The following KIAA0825 variants were observed in gnomAD, a reference collection of about 807,000 sequenced individuals.
KIAA0825 encodes the protein uncharacterized protein KIAA0825.
In KIAA0825, 119 loss-of-function variants were observed where a neutral mutation model predicts 147.6. The observed-to-expected ratio is 0.81, with a 90% CI of 0.69 to 0.94. The LOEUF (loss-of-function observed/expected upper bound fraction) is 0.94, where lower values mean the gene tolerates loss of function less well. Ranked by LOEUF, KIAA0825 falls within the 40% of genes least tolerant of loss-of-function variation. The pLI is 0.00. For synonymous variants in KIAA0825, 470 were observed against 518.1 expected, an observed-to-expected ratio of 0.91 and a Z score of 1.26; for missense variants, 1,381 against 1,472.7, an observed-to-expected ratio of 0.94 and a Z score of 1.02.
At chr5:94,169,265 T>C (rs1049419343) in intron 20 of KIAA0825, among the ~76,000 whole-genome samples, 4 of 152,206 alleles carry the variant, frequency 2.6e-5, no homozygotes, top group Non-Finnish European at 4.4e-5. Context: ...CATATTTTGA[T>C]TGAAATTGAC....
chr5:94,415,594 T>C (rs1753351207), intron 15 of KIAA0825: 2 of 152,130 alleles, frequency 1.3e-5, no homozygotes, highest in Admixed American at 6.5e-5. Context: ...TTCCAGAGAA[T>C]ATTTAATGTT....
intron 20 of KIAA0825, among the ~76,000 whole-genome samples, chr5:94,371,299 T>C (rs1472830635): frequency 6.6e-6 from 1 of 152,150 alleles, no homozygotes; most frequent in African/African-American, 2.4e-5. Flanking sequence ...GTCCTACAGG[T>C]ATCCTAACTA....
chr5:94,546,420 C>T (rs77596499), intron 2 of KIAA0825, among the ~76,000 whole-genome samples: 3,171 of 152,092 alleles, frequency 0.021, 50 homozygotes, highest in Non-Finnish European at 0.029. Flanking sequence ...CAAGACCCAG[C>T]GCTGTGCTGG....
chr5:94,580,806 G>T (rs1781979457), intron 2 of KIAA0825, among the ~76,000 whole-genome samples: 2 of 64,274 alleles, frequency 3.1e-5, no homozygotes. Flanking sequence ...AACCCGGGAG[G>T]CGGAGCTTGC....
At chr5:94,602,840 T>A (rs370927992) in intron 1 of KIAA0825, among the ~76,000 whole-genome samples, 12 of 151,932 alleles carry the variant, frequency 7.9e-5, no homozygotes, top group African/African-American at 2.9e-4. Context: ...CCTTTTTTTT[T>A]TTTTTTGAGA....
chr5:94,175,323 G>A (rs1370404542), intron 20 of KIAA0825, among the ~76,000 whole-genome samples: 1 of 152,032 alleles, frequency 6.6e-6, no homozygotes, highest in Non-Finnish European at 1.5e-5. Flanking sequence ...ACTGCTTATA[G>A]TCATTTTAAC....
rs1766661735 is a variant in KIAA0825 at position 94,152,859 on chromosome 5, TATATATATATATATATATATATATA to T, written c.*1123_*1147del. The T allele has an allele frequency of 8.3e-4, 3 of 3,628 alleles. No individual in the cohort carries two copies. Among genetic ancestry groups the T allele is most frequent in the Admixed American group, 4.0e-3 (1 of 250 alleles). 0.2% of individuals were successfully genotyped at this position (3,628 alleles called of 1,614,324 possible). On this transcript the variant is annotated 3_prime_UTR_variant, in exon 21 of 21. Coordinates refer to ENST00000682413, the MANE Select transcript of KIAA0825 (RefSeq NM_001145678.3). ...AAAAAAAAAAAAAAAAAAAAAATTATATATATATATATATATATATATATATATATATATATATATATATGGTTTC... is the reference window on the plus strand; with the variant it reads ...AAAAAAAAAAAAAAAAAAAAAATTATTATATATATATATATATATGGTTTC...
At chr5:94,382,195 C>A (rs966320588) in intron 20 of KIAA0825, among the ~76,000 whole-genome samples, 4 of 152,174 alleles carry the variant, frequency 2.6e-5, no homozygotes, top group Admixed American at 6.5e-5. Flanking sequence ...CTACACCTAA[C>A]CCCAAACACC....
chr5:94,516,004 C>G (rs1297044077), intron 5 of KIAA0825, among the ~76,000 whole-genome samples: 9 of 152,048 alleles, frequency 5.9e-5, no homozygotes, highest in Admixed American at 2.0e-4. Flanking sequence ...ACAAAACATA[C>G]AAGCATTACA....
intron 20 of KIAA0825, among the ~76,000 whole-genome samples, chr5:94,237,209 G>T (rs545950118): frequency 6.6e-6 from 1 of 152,128 alleles, no homozygotes; most frequent in Non-Finnish European, 1.5e-5. Context: ...CTTACAATCC[G>T]TAGGTATACT....
intron 20 of KIAA0825, among the ~76,000 whole-genome samples, chr5:94,314,310 A>C (rs556085347): frequency 6.6e-6 from 1 of 151,808 alleles, no homozygotes; most frequent in East Asian, 1.9e-4. Context: ...CACATGGATA[A>C]CAGCAGTTTT....
chr5:94,333,083 A>G, intron 20 of KIAA0825, among the ~76,000 whole-genome samples: 1 of 151,736 alleles, frequency 6.6e-6, no homozygotes, highest in East Asian at 1.9e-4. Context: ...GTTTCTTTTT[A>G]TCTTGTTAAT....
intron 1 of KIAA0825, chr5:94,593,927 G>A (rs1784801045): frequency 2.3e-6 from 1 of 435,430 alleles, no homozygotes; most frequent in Admixed American, 2.9e-5. Context: ...CAGAATTGAA[G>A]CAGTTTTACC....
chr5:94,255,009 T>C (rs545093240), intron 20 of KIAA0825, among the ~76,000 whole-genome samples: 1 of 152,158 alleles, frequency 6.6e-6, no homozygotes, highest in Non-Finnish European at 1.5e-5. Context: ...GAAAGTGTCA[T>C]GTATCACTTA....
intron 5 of KIAA0825, among the ~76,000 whole-genome samples, chr5:94,502,045 G>A (rs1040217037): frequency 2.0e-5 from 3 of 152,114 alleles, no homozygotes; most frequent in African/African-American, 7.2e-5. Flanking sequence ...GGAATCTGTA[G>A]AATGTACATG....
chr5:94,291,768 T>C (rs891415972), intron 20 of KIAA0825, among the ~76,000 whole-genome samples: 1 of 152,218 alleles, frequency 6.6e-6, no homozygotes, highest in Admixed American at 6.5e-5. Flanking sequence ...TCCATTTGTT[T>C]GTATCCTCTA....
rs56060568 is a variant in KIAA0825 at position 94,152,896 on chromosome 5, AT to A, written c.*1110del. Reference sequence around the variant, plus strand: ...TATATATATATATATATATATATATATATATATGGTTTCTCCCAGACGTTCT... The same window carrying A: ...TATATATATATATATATATATATATAATATATGGTTTCTCCCAGACGTTCT... On this transcript the variant is annotated 3_prime_UTR_variant, in exon 21 of 21. Transcript: ENST00000682413. The A allele has an allele frequency of 4.8e-3, 183 of 38,192 alleles. 53 individuals are homozygous for A. The highest frequency in any genetic ancestry group is 5.9e-3 in the Non-Finnish European group (116 of 19,774). The allele number at this position is 38,192 out of a possible 1,614,324, so 2.4% of individuals were successfully genotyped here. A position where few individuals can be genotyped will look rare whatever the true frequency, so the allele number is the denominator to read the frequency against.
chr5:94,617,753 T>C (rs759326917), intron 1 of KIAA0825: 13 of 152,214 alleles, frequency 8.5e-5, no homozygotes, highest in Non-Finnish European at 1.6e-4. Context: ...CCTCACATTA[T>C]CCCTTTGTCG....
chr5:94,488,614 T>A (rs1484739345), intron 5 of KIAA0825, among the ~76,000 whole-genome samples: 1 of 152,170 alleles, frequency 6.6e-6, no homozygotes, highest in East Asian at 1.9e-4. Context: ...TTCTGCTTTA[T>A]TATTTAGTGT....
Sources: gnomAD v4.1 joint callset for allele counts (sites outside exome capture counted in the v4.1 genomes callset) on GRCh38, gnomAD v4.1.1 for gene constraint, MANE v1.5 for transcripts, NCBI Gene and HGNC (gene_info 2026-07-23, HGNC 2026-07-21) for gene names.